Variants in ZEB1 observed in about 807,000 individuals in gnomAD.
The protein encoded by ZEB1 is zinc finger E-box-binding homeobox 1.
In ZEB1, 21 loss-of-function variants were observed where a neutral mutation model predicts 84.9. That is an observed-to-expected ratio of 0.25 (90% CI 0.18 to 0.36). ZEB1 has a LOEUF of 0.36. Ranked by LOEUF, ZEB1 falls within the 10% of genes least tolerant of loss-of-function variation. ZEB1 has a pLI of 1.00. For missense variants in ZEB1, 1,104 were observed against 1,330.2 expected, an observed-to-expected ratio of 0.83 and a Z score of 2.65; for synonymous variants, 420 against 471.1, an observed-to-expected ratio of 0.89 and a Z score of 1.41.
intron 1 of ZEB1, among the ~76,000 whole-genome samples, chr10:31,459,905 T>G (rs553823443): frequency 4.4e-4 from 66 of 151,270 alleles, no homozygotes; most frequent in African/African-American, 1.5e-3. Context: ...ATACATATTA[T>G]TTAAGCATTT....
chr10:31,436,786 T>C (rs1384075990), intron 1 of ZEB1, among the ~76,000 whole-genome samples: 3 of 152,128 alleles, frequency 2.0e-5, no homozygotes, highest in Non-Finnish European at 4.4e-5. Flanking sequence ...TAAAGTACGT[T>C]TAAAATACCT....
At chr10:31,320,014 G>T (rs896369896) in intron 1 of ZEB1, 3 of 151,148 alleles carry the variant, frequency 2.0e-5, no homozygotes, top group African/African-American at 7.3e-5. Context: ...GTAAAGTTGG[G>T]ACCCGCGGGC....
intron 1 of ZEB1, among the ~76,000 whole-genome samples, chr10:31,331,077 CTTTCT>C (rs2036644538): frequency 3.4e-5 from 3 of 89,064 alleles, no homozygotes; most frequent in African/African-American, 1.6e-4. Context: ...TTTTTTCTTT[CTTTCT>C]TTTTTTTTTT....
intron 1 of ZEB1, among the ~76,000 whole-genome samples, chr10:31,455,957 C>T (rs1457621984): frequency 2.0e-5 from 3 of 152,080 alleles, no homozygotes; most frequent in South Asian, 4.1e-4. Context: ...CACATGCACA[C>T]GTATGTTTAT....
At chr10:31,512,235 C>T (rs527659091) in intron 5 of ZEB1, among the ~76,000 whole-genome samples, 1 of 152,254 alleles carries the variant, frequency 6.6e-6, no homozygotes, top group East Asian at 1.9e-4. Context: ...CACCATATTC[C>T]CTCTACTCCA....
At chr10:31,384,026 T>C (rs1393325816) in intron 1 of ZEB1, among the ~76,000 whole-genome samples, 1 of 130,544 alleles carries the variant, frequency 7.7e-6, no homozygotes, top group Non-Finnish European at 1.6e-5. Flanking sequence ...CAGACTGGAG[T>C]GCAGTAGTGT....
intron 1 of ZEB1, among the ~76,000 whole-genome samples, chr10:31,443,104 T>C (rs1285006748): frequency 1.3e-5 from 2 of 152,192 alleles, no homozygotes; most frequent in Admixed American, 1.3e-4. Context: ...TATAAAAATA[T>C]AAGATTAAAA....
chr10:31,428,403 T>G (rs1413891864), intron 1 of ZEB1, among the ~76,000 whole-genome samples: 1 of 152,226 alleles, frequency 6.6e-6, no homozygotes, highest in Non-Finnish European at 1.5e-5. Flanking sequence ...ATTTTGAATT[T>G]GATTGCACTG....
At chr10:31,423,483 T>C (rs1043455877) in intron 1 of ZEB1, among the ~76,000 whole-genome samples, 1 of 152,152 alleles carries the variant, frequency 6.6e-6, no homozygotes, top group African/African-American at 2.4e-5. Context: ...ATATTATGCA[T>C]GTATCCAACT....
intron 2 of ZEB1, among the ~76,000 whole-genome samples, chr10:31,461,691 G>GT (rs1171268648): frequency 9.9e-5 from 15 of 152,146 alleles, no homozygotes; most frequent in Non-Finnish European, 1.8e-4. Flanking sequence ...AAGTAAGGTG[G>GT]TTTTTTCACT....
chr10:31,362,333 G>A (rs1429114904), intron 1 of ZEB1, among the ~76,000 whole-genome samples: 5 of 150,512 alleles, frequency 3.3e-5, no homozygotes, highest in East Asian at 2.0e-4. Context: ...GGCGGTGGCC[G>A]AGCAGAGGCG....
chr10:31,455,480 A>G (rs931167952), intron 1 of ZEB1, among the ~76,000 whole-genome samples: 5 of 152,230 alleles, frequency 3.3e-5, no homozygotes, highest in African/African-American at 9.6e-5. Context: ...TAGGCAACCT[A>G]CAGAATGGGA....
At chr10:31,438,704 G>GT (rs1268639483) in intron 1 of ZEB1, among the ~76,000 whole-genome samples, 2 of 152,184 alleles carry the variant, frequency 1.3e-5, no homozygotes, top group African/African-American at 4.8e-5. Flanking sequence ...TTACCTGGGT[G>GT]TGGTGGCACA....
At chr10:31,476,797 AAAG>A (rs1447679186) in intron 2 of ZEB1, among the ~76,000 whole-genome samples, 2 of 152,110 alleles carry the variant, frequency 1.3e-5, no homozygotes, top group East Asian at 3.9e-4. Flanking sequence ...GCAGAATTAA[AAAG>A]AAAAACGATA....
chr10:31,403,886 C>T (rs1199527558), intron 1 of ZEB1, among the ~76,000 whole-genome samples: 1 of 151,944 alleles, frequency 6.6e-6, no homozygotes, highest in African/African-American at 2.4e-5. Context: ...GTTAGGTCTG[C>T]AGAAGTCATA....
chr10:31,335,176 A>G (rs2037742636), intron 1 of ZEB1, among the ~76,000 whole-genome samples: 2 of 152,142 alleles, frequency 1.3e-5, no homozygotes, highest in Admixed American at 1.3e-4. Context: ...TGGAAAATTC[A>G]AGAAATAAAA....
intron 1 of ZEB1, among the ~76,000 whole-genome samples, chr10:31,365,223 T>C (rs928485160): frequency 6.6e-6 from 1 of 152,216 alleles, no homozygotes; most frequent in African/African-American, 2.4e-5. Flanking sequence ...GATCAATGTA[T>C]TGGATTAAAA....
chr10:31,374,564 A>G (rs1366926177), intron 1 of ZEB1, among the ~76,000 whole-genome samples: 1 of 151,820 alleles, frequency 6.6e-6, no homozygotes, highest in East Asian at 1.9e-4. Context: ...GATAATAATT[A>G]CACACTGCAA....
chr10:31,466,287 C>G (rs974375794), intron 2 of ZEB1, among the ~76,000 whole-genome samples: 2 of 152,172 alleles, frequency 1.3e-5, no homozygotes, highest in African/African-American at 4.8e-5. Context: ...ACAGAACATT[C>G]CATTCAACAG....
Sources: allele counts gnomAD v4.1 joint callset (sites outside exome capture counted in the v4.1 genomes callset), GRCh38; gene constraint gnomAD v4.1.1; transcripts MANE v1.5; gene names NCBI Gene and HGNC (gene_info 2026-07-23, HGNC 2026-07-21).